Variants in KCNB2 observed in about 807,000 individuals in gnomAD.
KCNB2 encodes potassium voltage-gated channel subfamily B member 2.
A neutral mutation model predicts 61.5 loss-of-function variants in KCNB2; 15 were observed. The observed-to-expected ratio is 0.24, with a 90% CI of 0.16 to 0.38. The LOEUF (loss-of-function observed/expected upper bound fraction) is 0.38, where lower values mean the gene tolerates loss of function less well. KCNB2 is among the 10% of genes least tolerant of loss of function. The probability of loss-of-function intolerance (pLI) is 1.00; values close to 1 mark genes in which losing one functional copy is unlikely to be tolerated. For synonymous variants in KCNB2, 457 were observed against 446.0 expected (o/e 1.02, Z -0.31); for missense variants, 828 against 1,125.2 (o/e 0.74, Z 3.78).
At chr8:72,853,617 TG>T (rs1315771840) in intron 2 of KCNB2, among the ~76,000 whole-genome samples, 1 of 152,216 alleles carries the variant, frequency 6.6e-6, no homozygotes, top group African/African-American at 2.4e-5. Context: ...GATATTATTG[TG>T]AGAATTAAGC....
intron 2 of KCNB2, among the ~76,000 whole-genome samples, chr8:72,651,870 G>A (rs943322434): frequency 6.6e-6 from 1 of 151,908 alleles, no homozygotes. Context: ...ATGTTTAATA[G>A]ACATCTTAAA....
At chr8:72,708,827 G>C (rs148651975) in intron 2 of KCNB2, among the ~76,000 whole-genome samples, 4 of 152,180 alleles carry the variant, frequency 2.6e-5, no homozygotes, top group African/African-American at 7.2e-5. Context: ...TGTTTCCAAA[G>C]TCTGACACAG....
At chr8:72,561,717 ATATATATATATCTATATC>A (rs1563523361) in intron 1 of KCNB2, among the ~76,000 whole-genome samples, 271 of 23,970 alleles carry the variant, frequency 0.011, 19 homozygotes, top group African/African-American at 0.099. Context: ...ATATATATAT[ATATATATATATCTATATC>A]TATATATATA....
At chr8:72,739,314 C>T (rs1010254539) in intron 2 of KCNB2, among the ~76,000 whole-genome samples, 4 of 151,248 alleles carry the variant, frequency 2.6e-5, no homozygotes, top group African/African-American at 4.9e-5. Flanking sequence ...ACATTAGGCA[C>T]TGGGGACAAA....
At chr8:72,875,344 C>T (rs1805686262) in intron 2 of KCNB2, 1 of 152,354 alleles carries the variant, frequency 6.6e-6, no homozygotes, top group Non-Finnish European at 1.5e-5. Context: ...ATCAGAACCA[C>T]CTGGGAGCCA....
chr8:72,777,467 A>C (rs1198157049), intron 2 of KCNB2, among the ~76,000 whole-genome samples: 6 of 152,140 alleles, frequency 3.9e-5, no homozygotes, highest in African/African-American at 1.4e-4. Context: ...CTACCACAGG[A>C]AGTCAGGGGC....
At chr8:72,909,381 A>G (rs184867076) in intron 2 of KCNB2, among the ~76,000 whole-genome samples, 26 of 152,264 alleles carry the variant, frequency 1.7e-4, no homozygotes, top group African/African-American at 6.0e-4. Flanking sequence ...ATTGCATGTG[A>G]GAGGAAGGGA....
intron 2 of KCNB2, among the ~76,000 whole-genome samples, chr8:72,615,195 G>C (rs1401892784): frequency 6.6e-6 from 1 of 152,202 alleles, no homozygotes; most frequent in Non-Finnish European, 1.5e-5. Flanking sequence ...TACATCATTT[G>C]TTTTCTCTGA....
chr8:72,862,096 C>T (rs1172035126), intron 2 of KCNB2, among the ~76,000 whole-genome samples: 2 of 152,140 alleles, frequency 1.3e-5, no homozygotes, highest in Non-Finnish European at 2.9e-5. Flanking sequence ...TGCGCCACTG[C>T]ACTCCAGGCT....
At chr8:72,767,187 A>G (rs1808473191) in intron 2 of KCNB2, among the ~76,000 whole-genome samples, 1 of 152,210 alleles carries the variant, frequency 6.6e-6, no homozygotes, top group South Asian at 2.1e-4. Context: ...AAACCATATC[A>G]CATGGTATAT....
chr8:72,660,282 C>T (rs895928235), intron 2 of KCNB2, among the ~76,000 whole-genome samples: 6 of 152,118 alleles, frequency 3.9e-5, no homozygotes, highest in Admixed American at 1.3e-4. Flanking sequence ...TGTCTGCCAG[C>T]GCATGGAGCC....
intron 2 of KCNB2, among the ~76,000 whole-genome samples, chr8:72,882,520 TGAGAGA>T (rs147239924): frequency 0.026 from 2,996 of 115,462 alleles, 118 homozygotes; most frequent in African/African-American, 0.086. Flanking sequence ...TGCTGACAGT[TGAGAGA>T]GAGAGAGAGA....
chr8:72,851,832 A>AAAAAAAAAAAAAAAC (rs1216791439), intron 2 of KCNB2, among the ~76,000 whole-genome samples: 1 of 141,126 alleles, frequency 7.1e-6, no homozygotes, highest in African/African-American at 2.7e-5. Flanking sequence ...GTAGGAAAAA[A>AAAAAAAAAAAAAAAC]AAAAAAAAAA....
chr8:72,886,429 G>A (rs1805808058), intron 2 of KCNB2, among the ~76,000 whole-genome samples: 1 of 152,218 alleles, frequency 6.6e-6, no homozygotes, highest in Non-Finnish European at 1.5e-5. Flanking sequence ...GCATTCTTGT[G>A]ACAGTCCTCT....
chr8:72,612,969 T>G lies in KCNB2; in HGVS notation c.579+44656T>G, dbSNP rs542010343. ...TATGCTCTCCTGTGGAAATAACATTTCTATCAAGTTAGCATTATTTTATTT... is the reference window on the plus strand; with the variant it reads ...TATGCTCTCCTGTGGAAATAACATTGCTATCAAGTTAGCATTATTTTATTT... On this transcript the variant is annotated intron_variant, in intron 2 of 2. Transcript: ENST00000523207. Among the ~76,000 whole-genome samples the G allele has an allele frequency of 2.6e-5, 4 of 152,326 alleles. No individual in the cohort carries two copies. The South Asian group carries it at 8.3e-4, about 32-fold the overall frequency.
intron 2 of KCNB2, among the ~76,000 whole-genome samples, chr8:72,900,266 A>G (rs1251189476): frequency 3.3e-5 from 5 of 152,210 alleles, no homozygotes; most frequent in African/African-American, 1.2e-4. Context: ...TATTCAATAA[A>G]TGTTTCAGGG....
Position 72,937,298 on chromosome 8 carries a change from G to C in KCNB2, c.1943G>C (p.Gly648Ala), listed in dbSNP as rs769931537. ...PGTEEHQRARGPPFLTLSREK... is the reference protein window; with the variant it reads ...PGTEEHQRARAPPFLTLSREK... The stretch of plus-strand genomic sequence containing the variant: ...ACAGAAGAGCACCAAAGAGCTAGGG[G>C]CCCCCCGTTTCTAACTCTATCCAGA... Residue 648 changes from glycine to alanine, a missense_variant, in exon 3 of 3, where the codon GGC (glycine) becomes GCC (alanine). Around this residue, in one of 4 missense-constraint regions of KCNB2, gnomAD observed 559 missense variants for 588.4 expected, o/e 0.95. Transcript: ENST00000523207. 7 of 1,613,874 alleles carry C rather than the reference G, an allele frequency of 4.3e-6. No homozygotes were observed. Among genetic ancestry groups the C allele is most frequent in the Admixed American group, 3.3e-5 (2 of 60,000 alleles).
intron 2 of KCNB2, among the ~76,000 whole-genome samples, chr8:72,667,015 G>C (rs1806485886): frequency 6.6e-6 from 1 of 151,842 alleles, no homozygotes; most frequent in Non-Finnish European, 1.5e-5. Context: ...GTGAGAGAGA[G>C]AGAGTGACAG....
At chr8:72,825,000 AT>A (rs1342525647) in intron 2 of KCNB2, among the ~76,000 whole-genome samples, 1 of 152,152 alleles carries the variant, frequency 6.6e-6, no homozygotes, top group African/African-American at 2.4e-5. Flanking sequence ...CACCTCCAGA[AT>A]TTTTTTATCT....
Sources: allele counts gnomAD v4.1 joint callset (sites outside exome capture counted in the v4.1 genomes callset), GRCh38; gene constraint gnomAD v4.1.1; regional missense constraint gnomAD v4.1.1; transcripts MANE v1.5; gene names NCBI Gene and HGNC (gene_info 2026-07-23, HGNC 2026-07-21).